The following GGA2 variants were observed in gnomAD, a reference collection of about 807,000 sequenced individuals.
GGA2 encodes the protein ADP-ribosylation factor-binding protein GGA2.
A neutral mutation model predicts 79.5 loss-of-function variants in GGA2; 48 were observed. That is an observed-to-expected ratio of 0.60 (90% confidence interval 0.48 to 0.77). The LOEUF (loss-of-function observed/expected upper bound fraction) is 0.77, where lower values mean the gene tolerates loss of function less well. GGA2 is among the 30% of genes least tolerant of loss of function. GGA2 has a pLI of 0.00. For synonymous variants in GGA2, 317 were observed against 302.0 expected, an observed-to-expected ratio of 1.05 and a Z score of -0.51; for missense variants, 770 against 774.0, an observed-to-expected ratio of 0.99 and a Z score of 0.06.
At chr16:23,508,045 T>C (rs1319807843) in intron 1 of GGA2, among the ~76,000 whole-genome samples, 1 of 151,746 alleles carries the variant, frequency 6.6e-6, no homozygotes, top group African/African-American at 2.4e-5. Context: ...AGGCAGCTAC[T>C]TTCTCTTACT....
intron 1 of GGA2, among the ~76,000 whole-genome samples, chr16:23,497,674 A>T (rs1596992025): frequency 6.6e-6 from 1 of 152,240 alleles, no homozygotes; most frequent in East Asian, 1.9e-4. Flanking sequence ...ATTCCACCCT[A>T]AAGACTTCTC....
upstream of GGA2, among the ~76,000 whole-genome samples, chr16:23,512,525 T>A (rs1965078854): frequency 6.6e-6 from 1 of 151,174 alleles, no homozygotes; most frequent in African/African-American, 2.4e-5. Flanking sequence ...TGATGATTCT[T>A]GTCCACACAC....
intron 1 of GGA2, chr16:23,500,862 G>A (rs967907393): frequency 2.7e-5 from 5 of 188,198 alleles, no homozygotes; most frequent in Admixed American, 6.0e-5. Context: ...GGGAAAGTAC[G>A]CTTTTTTTGA....
chr16:23,510,687 A>C (rs1965037332), upstream of GGA2, among the ~76,000 whole-genome samples: 1 of 152,260 alleles, frequency 6.6e-6, no homozygotes, highest in South Asian at 2.1e-4. Context: ...GATTTTCAGA[A>C]GAACACGAAT....
intron 4 of GGA2, among the ~76,000 whole-genome samples, chr16:23,492,266 G>A (rs191275608): frequency 3.9e-5 from 6 of 152,268 alleles, no homozygotes; most frequent in Non-Finnish European, 7.4e-5. Flanking sequence ...CCACTCCAAA[G>A]AGATCAACCT....
At chr16:23,501,258 G>A in intron 1 of GGA2, 2 of 454,328 alleles carry the variant, frequency 4.4e-6, no homozygotes, top group Non-Finnish European at 8.8e-6. Context: ...TTAACTAATG[G>A]TAGCATCGCT....
At chr16:23,472,077 G>C (rs543385150) in intron 14 of GGA2, among the ~76,000 whole-genome samples, 22 of 151,648 alleles carry the variant, frequency 1.5e-4, no homozygotes, top group African/African-American at 4.8e-4. Flanking sequence ...TCTACATGTG[G>C]CATTTCACTG....
chr16:23,484,779 T>G (rs1269144128), intron 8 of GGA2, among the ~76,000 whole-genome samples: 1 of 152,192 alleles, frequency 6.6e-6, no homozygotes, highest in African/African-American at 2.4e-5. Flanking sequence ...TAAAATGGCA[T>G]GGCCACTTTG....
chr16:23,511,847 C>G (rs1165507651), upstream of GGA2, among the ~76,000 whole-genome samples: 1 of 152,076 alleles, frequency 6.6e-6, no homozygotes, highest in East Asian at 1.9e-4. Flanking sequence ...GCAAATTTAT[C>G]TGGAAAAAAA....
In GGA2 at chr16:23,481,645, C is replaced by T. The variant is rs201437666; in HGVS notation, c.881-875G>A. 8.6e-5 allele frequency among the ~76,000 whole-genome samples: 13 copies of T among 151,970 alleles called. No individual in the cohort carries two copies. The East Asian group carries it at 2.5e-3, about 30-fold the overall frequency. On this transcript the variant is annotated intron_variant, in intron 9 of 16. Transcript: ENST00000309859. Reference sequence around the variant, plus strand: ...AAAATTAGCCAGGTGTGGTGGTGCGCAACTGTAGTCCCAGCTACTCAGGAG... The same window carrying T: ...AAAATTAGCCAGGTGTGGTGGTGCGTAACTGTAGTCCCAGCTACTCAGGAG...
At chr16:23,524,195 C>G (rs546116107), upstream of GGA2, 1 of 655,320 alleles carries the variant, frequency 1.5e-6, no homozygotes, top group Admixed American at 2.7e-5. Flanking sequence ...AGCCAATTGA[C>G]AAAAACGTGC....
At chr16:23,480,226 G>A (rs1026161034) in intron 10 of GGA2, 1 of 332,940 alleles carries the variant, frequency 3.0e-6, no homozygotes, top group Non-Finnish European at 5.7e-6. Flanking sequence ...CTTGAAAGAC[G>A]CACACCTCCA....
intron 1 of GGA2, among the ~76,000 whole-genome samples, chr16:23,520,703 A>T (rs1965134950): frequency 6.6e-6 from 1 of 151,440 alleles, no homozygotes; most frequent in Non-Finnish European, 1.5e-5. Flanking sequence ...AAACCCTCAA[A>T]CAGAAGACAG....
chr16:23,519,917 C>T (rs1965125580), intron 1 of GGA2, among the ~76,000 whole-genome samples: 1 of 152,152 alleles, frequency 6.6e-6, no homozygotes, highest in Non-Finnish European at 1.5e-5. Flanking sequence ...TGATAGTTAC[C>T]TAACATTTAT....
In GGA2 at chr16:23,488,610, G is replaced by A; in HGVS notation, c.575C>T (p.Ser192Phe). The A allele has an allele frequency of 6.3e-7, 1 of 1,581,682 alleles. No individual in the cohort carries two copies. Among genetic ancestry groups the A allele is most frequent in the Non-Finnish European group, 8.7e-7 (1 of 1,150,496 alleles). The change falls in exon 6 of 17, where the codon TCC (serine) becomes TTC (phenylalanine). Residue 192 changes from serine (S) to phenylalanine (F), a missense_variant. Coordinates refer to ENST00000309859, the MANE Select transcript of GGA2 (RefSeq NM_015044.4). ...CATGTAGGTCTGTTTCCTTACCTTG[G>A]ACTTTTCTTCATCAGCATCAAAGAT... ...SSIFDADEEK[S>F]KLLTRLLKSN...
intron 13 of GGA2, among the ~76,000 whole-genome samples, chr16:23,477,933 C>T (rs950009174): frequency 2.0e-5 from 3 of 152,056 alleles, no homozygotes; most frequent in African/African-American, 7.2e-5. Flanking sequence ...CTGGCCTAAA[C>T]TTTCAATAGA....
intron 1 of GGA2, among the ~76,000 whole-genome samples, chr16:23,509,822 A>C (rs1042687210): frequency 6.6e-6 from 1 of 151,352 alleles, no homozygotes; most frequent in African/African-American, 2.4e-5. Context: ...TAAACACAAA[A>C]GGTAAAAAAT....
At position 23,464,019 on chromosome 16, in the gene GGA2, T is replaced by C. The variant is rs1480277139; in HGVS notation, c.*3571A>G. The C allele has an allele frequency of 6.6e-6, 1 of 152,232 alleles. No homozygotes were observed. Among genetic ancestry groups the C allele is most frequent in the Admixed American group, 6.5e-5 (1 of 15,268 alleles). 9.4% of individuals were successfully genotyped at this position (152,232 alleles called of 1,614,324 possible). A position where few individuals can be genotyped will look rare whatever the true frequency, so the allele number is the denominator to read the frequency against. On this transcript the variant is annotated 3_prime_UTR_variant, in exon 17 of 17. Coordinates refer to ENST00000309859, the MANE Select transcript of GGA2 (RefSeq NM_015044.4). ...CTCTTGACGCTGGGTAAGCATCTTCTATAATGGGTATATTTAAAGGATTTG... is the reference window on the plus strand; with the variant it reads ...CTCTTGACGCTGGGTAAGCATCTTCCATAATGGGTATATTTAAAGGATTTG...
intron 5 of GGA2, among the ~76,000 whole-genome samples, chr16:23,490,027 CAG>C (rs1416448029): frequency 6.6e-6 from 1 of 152,156 alleles, no homozygotes; most frequent in Admixed American, 6.5e-5. Context: ...TGAATCAGAA[CAG>C]AGACTGGCCC....
Sources: gnomAD v4.1 joint callset for allele counts (sites outside exome capture counted in the v4.1 genomes callset) on GRCh38, gnomAD v4.1.1 for gene constraint, MANE v1.5 for transcripts, NCBI Gene and HGNC (gene_info 2026-07-23, HGNC 2026-07-21) for gene names.